ITPR2: variants seen among roughly 807,000 people sequenced by gnomAD.
The protein encoded by ITPR2 is inositol 1,4,5-trisphosphate receptor type 2.
In ITPR2, 207 loss-of-function variants were observed where a neutral mutation model predicts 317.1. That is an observed-to-expected ratio of 0.65 (90% CI 0.58 to 0.73). The LOEUF (loss-of-function observed/expected upper bound fraction) is 0.73. ITPR2 is among the 30% of genes least tolerant of loss of function. ITPR2 has a pLI of 0.00. For missense variants in ITPR2, 2,613 were observed against 3,284.0 expected (o/e 0.80, Z 4.99); for synonymous variants, 1,156 against 1,149.1 (o/e 1.01, Z -0.12).
intron 2 of ITPR2, among the ~76,000 whole-genome samples, chr12:26,760,381 G>A (rs993543339): frequency 7.9e-5 from 12 of 152,102 alleles, no homozygotes; most frequent in African/African-American, 2.7e-4. Flanking sequence ...AACCCAAGAT[G>A]TCTACATCAC....
At chr12:26,595,023 C>A (rs560132387) in intron 32 of ITPR2, among the ~76,000 whole-genome samples, 1 of 152,280 alleles carries the variant, frequency 6.6e-6, no homozygotes, top group African/African-American at 2.4e-5. Flanking sequence ...TAGGCAACAG[C>A]GAGCAAGGCC....
intron 2 of ITPR2, among the ~76,000 whole-genome samples, chr12:26,730,903 C>T (rs1166291306): frequency 6.6e-6 from 1 of 152,158 alleles, no homozygotes; most frequent in African/African-American, 2.4e-5. Context: ...CACATGAGTC[C>T]ATGGAAATCT....
At chr12:26,447,215 G>A (rs1941628847) in intron 45 of ITPR2, among the ~76,000 whole-genome samples, 1 of 151,966 alleles carries the variant, frequency 6.6e-6, no homozygotes, top group Non-Finnish European at 1.5e-5. Flanking sequence ...CGTTTAAGTG[G>A]ACAACAACTC....
intron 41 of ITPR2, among the ~76,000 whole-genome samples, chr12:26,485,010 C>T (rs752632677): frequency 7.3e-5 from 11 of 150,388 alleles, no homozygotes; most frequent in Non-Finnish European, 1.0e-4. Flanking sequence ...CCACTGTGCC[C>T]GGCCGGAATA....
Position 26,657,855 on chromosome 12 carries a change from A to G in ITPR2, c.2044T>C (p.Ser682Pro). 2 of 1,614,194 alleles carry G rather than the reference A, an allele frequency of 1.2e-6. No homozygotes were observed. The highest frequency in any genetic ancestry group is 2.2e-5 in the South Asian group (2 of 91,086). ...SMQADNPMES[S>P]ILSDDIDDEE... The stretch of plus-strand genomic sequence containing the variant: ...TCATCAATGTCATCTGAAAGGATGG[A>G]GCTCTCCATGGGGTTGTCTGCTTGC... Residue 682 changes from serine to proline, a missense_variant, in exon 18 of 57, where the codon TCC becomes CCC. Physicochemically the swap from Ser to Pro is moderately conservative, Grantham distance 74. Transcript: ENST00000381340.
At chr12:26,758,546 G>C (rs1365426940) in intron 2 of ITPR2, among the ~76,000 whole-genome samples, 2 of 152,208 alleles carry the variant, frequency 1.3e-5, no homozygotes, top group East Asian at 3.9e-4. Context: ...TAATGTTACT[G>C]TTAAAAGTTG....
At chr12:26,473,882 T>C (rs1236065007) in intron 45 of ITPR2, among the ~76,000 whole-genome samples, 1 of 152,214 alleles carries the variant, frequency 6.6e-6, no homozygotes, top group Non-Finnish European at 1.5e-5. Flanking sequence ...TGGCTTTCAG[T>C]TGCTCAGCAG....
At chr12:26,576,211 T>C (rs754071021) in intron 34 of ITPR2, among the ~76,000 whole-genome samples, 8 of 152,312 alleles carry the variant, frequency 5.3e-5, no homozygotes, top group South Asian at 4.1e-4. Flanking sequence ...TCATTATAAC[T>C]TGAAAGTAAT....
At chr12:26,674,011 G>A (rs1242780070) in intron 13 of ITPR2, among the ~76,000 whole-genome samples, 1 of 135,394 alleles carries the variant, frequency 7.4e-6, no homozygotes, top group African/African-American at 2.7e-5. Context: ...CCTCTTCAAG[G>A]AGAACTACAA....
intron 37 of ITPR2, among the ~76,000 whole-genome samples, chr12:26,544,276 T>C (rs1944334856): frequency 6.6e-6 from 1 of 152,136 alleles, no homozygotes; most frequent in South Asian, 2.1e-4. Context: ...CTAAGAAACA[T>C]GGGTCAAGGA....
rs1184004081 is a variant in ITPR2 at position 26,707,990 on chromosome 12, T to TA, written c.951+3182dup. On this transcript the variant is annotated intron_variant, in intron 9 of 56. Coordinates refer to ENST00000381340, the MANE Select transcript of ITPR2 (RefSeq NM_002223.4). The stretch of plus-strand genomic sequence containing the variant: ...GACATACAAATGGCAAACAAATATA[T>TA]AAAAAAATGCTTAACATCATTAATC... 2.6e-5 allele frequency among the ~76,000 whole-genome samples: 4 copies of TA among 151,684 alleles called. No individual in the cohort carries two copies. The East Asian group carries it at 7.7e-4, about 29-fold the overall frequency.
chr12:26,515,561 A>G (rs1943465300), intron 37 of ITPR2, among the ~76,000 whole-genome samples: 1 of 152,140 alleles, frequency 6.6e-6, no homozygotes, highest in African/African-American at 2.4e-5. Flanking sequence ...TTTTCAGCAA[A>G]AGAAAGAGAC....
chr12:26,478,284 G>C (rs117963115), intron 43 of ITPR2, among the ~76,000 whole-genome samples: 2 of 152,042 alleles, frequency 1.3e-5, no homozygotes, highest in Non-Finnish European at 2.9e-5. Context: ...GGAGGAAAGG[G>C]AGTATTATCT....
intron 1 of ITPR2, among the ~76,000 whole-genome samples, chr12:26,792,874 A>G (rs1950367687): frequency 6.6e-6 from 1 of 152,184 alleles, no homozygotes; most frequent in Non-Finnish European, 1.5e-5. Flanking sequence ...GGAGTTCAAC[A>G]TCCTTCATAC....
chr12:26,394,849 G>A (rs948958552), intron 54 of ITPR2, among the ~76,000 whole-genome samples: 2 of 152,266 alleles, frequency 1.3e-5, no homozygotes, highest in Middle Eastern at 3.4e-3. Flanking sequence ...GTTCATTAGC[G>A]CATGGTAGCT....
chr12:26,501,666 A>T (rs1943075910), intron 37 of ITPR2, among the ~76,000 whole-genome samples: 1 of 152,214 alleles, frequency 6.6e-6, no homozygotes, highest in Non-Finnish European at 1.5e-5. Flanking sequence ...TTGTGAAAAA[A>T]CAAGACTGTG....
At chr12:26,822,464 T>C (rs1338960889) in intron 1 of ITPR2, among the ~76,000 whole-genome samples, 1 of 152,092 alleles carries the variant, frequency 6.6e-6, no homozygotes, top group East Asian at 1.9e-4. Flanking sequence ...GTGTGTGCTA[T>C]ATTAAGAACT....
At chr12:26,433,163 A>G (rs1023584589) in intron 48 of ITPR2, among the ~76,000 whole-genome samples, 1 of 152,200 alleles carries the variant, frequency 6.6e-6, no homozygotes, top group African/African-American at 2.4e-5. Context: ...CAGAACTATA[A>G]CCAGATGACC....
At chr12:26,348,000 T>TC (rs1938360666) in intron 55 of ITPR2, among the ~76,000 whole-genome samples, 1 of 152,254 alleles carries the variant, frequency 6.6e-6, no homozygotes, top group Non-Finnish European at 1.5e-5. Context: ...GAATGTGCTA[T>TC]CACAAGACCA....
Sources: allele counts gnomAD v4.1 joint callset (sites outside exome capture counted in the v4.1 genomes callset), GRCh38; gene constraint gnomAD v4.1.1; transcripts MANE v1.5; gene names NCBI Gene and HGNC (gene_info 2026-07-23, HGNC 2026-07-21).